AGBL1: variants seen among roughly 807,000 people sequenced by gnomAD.
AGBL1 encodes the protein cytosolic carboxypeptidase 4.
In AGBL1, 130 loss-of-function variants were observed where a neutral mutation model predicts 118.9. The ratio of observed to expected loss-of-function variants is 1.09; its 90% CI spans 0.95 to 1.26. The LOEUF is 1.26. AGBL1 is among the 50% of genes most tolerant of loss of function. The pLI, the probability that AGBL1 is intolerant of heterozygous loss-of-function variation, is 0.00. For missense variants in AGBL1, 1,584 were observed against 1,298.1 expected, an observed-to-expected ratio of 1.22 and a Z score of -3.38; for synonymous variants, 555 against 478.9, an observed-to-expected ratio of 1.16 and a Z score of -2.08.
intron 22 of AGBL1, among the ~76,000 whole-genome samples, chr15:86,747,362 A>T (rs1329668244): frequency 1.3e-5 from 2 of 152,162 alleles, no homozygotes; most frequent in Admixed American, 6.6e-5. Flanking sequence ...TTAGAAAATT[A>T]AACTGACAGA....
chr15:86,250,649 A>G (rs1458648920), intron 7 of AGBL1, among the ~76,000 whole-genome samples: 1 of 151,178 alleles, frequency 6.6e-6, no homozygotes, highest in Non-Finnish European at 1.5e-5. Context: ...GGTTTTTGGA[A>G]AATGATCATT....
chr15:86,092,945 T>C lies in AGBL1; in HGVS notation c.51+12922T>C, dbSNP rs768617586. On this transcript the variant is annotated intron_variant, in intron 1 of 22. Transcript: ENST00000614907. ...GGTTCTATCCCTTAATACAATTGCA[T>C]TGGGGATTAGGTTTCTAACACATGG... 2.6e-5 allele frequency among the ~76,000 whole-genome samples: 4 copies of C among 152,168 alleles called. No individual in the cohort carries two copies. The East Asian group carries it at 7.7e-4, about 29-fold the overall frequency.
chr15:86,476,794 C>T (rs1273299426), intron 18 of AGBL1, among the ~76,000 whole-genome samples: 1 of 152,200 alleles, frequency 6.6e-6, no homozygotes, highest in African/African-American at 2.4e-5. Flanking sequence ...CTCAGCACCA[C>T]ATTGCACTTA....
At chr15:86,927,663 G>A (rs1208347821) in intron 23 of AGBL1, among the ~76,000 whole-genome samples, 2 of 152,050 alleles carry the variant, frequency 1.3e-5, no homozygotes, top group African/African-American at 4.8e-5. Context: ...ATGAATAGAG[G>A]AAGTAGCAAT....
chr15:86,472,604 C>T (rs941996685), intron 18 of AGBL1, among the ~76,000 whole-genome samples: 1 of 152,120 alleles, frequency 6.6e-6, no homozygotes, highest in African/African-American at 2.4e-5. Context: ...AATTGGAGAA[C>T]ATTTAAAAAA....
At chr15:86,159,811 G>A (rs757581917) in intron 5 of AGBL1, among the ~76,000 whole-genome samples, 4 of 151,544 alleles carry the variant, frequency 2.6e-5, no homozygotes, top group East Asian at 1.9e-4. Flanking sequence ...GCATCTCAGC[G>A]TCAATCTTAG....
intron 22 of AGBL1, among the ~76,000 whole-genome samples, chr15:86,755,728 G>A (rs1372653452): frequency 6.6e-6 from 1 of 152,128 alleles, no homozygotes; most frequent in Non-Finnish European, 1.5e-5. Flanking sequence ...AGAGTAGACA[G>A]TGAGTGCTTT....
intron 16 of AGBL1, among the ~76,000 whole-genome samples, chr15:86,287,469 T>C (rs1334067403): frequency 6.6e-6 from 1 of 152,176 alleles, no homozygotes. Context: ...TTTCATCTCA[T>C]AGCTTTACAG....
At chr15:86,749,846 C>G (rs906442468) in intron 22 of AGBL1, among the ~76,000 whole-genome samples, 3 of 152,120 alleles carry the variant, frequency 2.0e-5, no homozygotes, top group Admixed American at 6.6e-5. Flanking sequence ...AGCCTTGCAT[C>G]CCAGGGATGA....
At chr15:86,802,399 C>G (rs970808995) in intron 22 of AGBL1, among the ~76,000 whole-genome samples, 29 of 152,112 alleles carry the variant, frequency 1.9e-4, no homozygotes, top group African/African-American at 7.0e-4. Flanking sequence ...GCAAGGGACT[C>G]AAATATTTCT....
intron 22 of AGBL1, among the ~76,000 whole-genome samples, chr15:86,696,924 G>A (rs2086272390): frequency 6.6e-6 from 1 of 151,836 alleles, no homozygotes; most frequent in African/African-American, 2.4e-5. Context: ...TGAAGATAGG[G>A]CCCCAATCCT....
chr15:86,851,019 G>A (rs2079400650), intron 22 of AGBL1, among the ~76,000 whole-genome samples: 1 of 152,190 alleles, frequency 6.6e-6, no homozygotes. Context: ...TGCATTTGGA[G>A]AGGCTTTTTG....
chr15:86,474,637 C>A (rs1244492319), intron 18 of AGBL1, among the ~76,000 whole-genome samples: 1 of 152,218 alleles, frequency 6.6e-6, no homozygotes, highest in South Asian at 2.1e-4. Context: ...TCTGTAGGCT[C>A]CACCTCTGGG....
intron 18 of AGBL1, among the ~76,000 whole-genome samples, chr15:86,431,808 A>G (rs2081938861): frequency 6.6e-6 from 1 of 152,118 alleles, no homozygotes; most frequent in African/African-American, 2.4e-5. Context: ...CTCTGACTCT[A>G]CTACCTTCCT....
intron 18 of AGBL1, among the ~76,000 whole-genome samples, chr15:86,414,180 C>T (rs921251208): frequency 1.3e-5 from 2 of 151,906 alleles, no homozygotes; most frequent in Admixed American, 6.6e-5. Context: ...AAAAGGATAG[C>T]GAGGTGAGGA....
rs921649616 is a variant in AGBL1, at chr15:86,613,666, A to G, written c.2994+59129A>G. 3.3e-5 allele frequency among the ~76,000 whole-genome samples: 5 copies of G among 152,200 alleles called. No individual in the cohort carries two copies. Among genetic ancestry groups the G allele is most frequent in the Non-Finnish European group, 7.3e-5 (5 of 68,036 alleles). ...GCATGACGTTTCCCAGAAAGAGGGC[A>G]TTTTCTATTGAGGGATGAAAACAAA... On this transcript the variant is annotated intron_variant, in intron 21 of 22. Coordinates refer to ENST00000614907, the MANE Select transcript of AGBL1 (RefSeq NM_001386094.1). This position sits in a 1 kb window ranked among gnomAD's most constrained non-coding sequence, Gnocchi z 4.2.
intron 17 of AGBL1, among the ~76,000 whole-genome samples, chr15:86,349,588 C>T (rs1428579728): frequency 1.3e-5 from 2 of 152,112 alleles, no homozygotes; most frequent in African/African-American, 4.8e-5. Context: ...TTGATATGTA[C>T]ATAGTAGGAA....
chr15:86,559,445 G>T (rs1596264422), intron 21 of AGBL1, among the ~76,000 whole-genome samples: 1 of 152,102 alleles, frequency 6.6e-6, no homozygotes, highest in African/African-American at 2.4e-5. Flanking sequence ...TCCACCTCAT[G>T]ATGAGGAAAA....
At chr15:86,165,957 T>C (rs2077335728) in intron 5 of AGBL1, among the ~76,000 whole-genome samples, 1 of 152,178 alleles carries the variant, frequency 6.6e-6, no homozygotes, top group South Asian at 2.1e-4. Context: ...ACTAGAGTTA[T>C]AGGGTTAAAG....
Sources: gnomAD v4.1 joint callset for allele counts (sites outside exome capture counted in the v4.1 genomes callset) on GRCh38, gnomAD v4.1.1 for gene constraint, Gnocchi (gnomAD v3.1) non-coding constraint, MANE v1.5 for transcripts, NCBI Gene and HGNC (gene_info 2026-07-23, HGNC 2026-07-21) for gene names.